Variants in CFAP206 observed in about 807,000 individuals in gnomAD.
CFAP206 encodes cilia and flagella associated protein 206, also known as cilia- and flagella-associated protein 206.
CFAP206 carries 53 observed loss-of-function variants against 65.4 expected under a neutral mutation model. The observed-to-expected ratio is 0.81, with a 90% CI of 0.65 to 1.02. The LOEUF (loss-of-function observed/expected upper bound fraction) is 1.02, where lower values mean the gene tolerates loss of function less well. Ranked by LOEUF, CFAP206 falls within the 50% of genes least tolerant of loss-of-function variation. The pLI, the probability that CFAP206 is intolerant of heterozygous loss-of-function variation, is 0.00. For missense variants in CFAP206, 663 were observed against 753.2 expected (o/e 0.88, Z 1.40); for synonymous variants, 250 against 254.4 (o/e 0.98, Z 0.17).
At chr6:87,423,234 ATTTTTATT>A (rs1767976934) in intron 7 of CFAP206, among the ~76,000 whole-genome samples, 1 of 108,212 alleles carries the variant, frequency 9.2e-6, no homozygotes, top group Admixed American at 9.0e-5. Context: ...ATATTTTTTT[ATTTTTATT>A]TTTTTATTTT....
intron 3 of CFAP206, among the ~76,000 whole-genome samples, chr6:87,411,495 T>C: frequency 7.2e-6 from 1 of 138,122 alleles, no homozygotes. Flanking sequence ...TTTCACTCTG[T>C]TGATTATTCA....
chr6:87,430,493 T>C (rs913044196), intron 9 of CFAP206, among the ~76,000 whole-genome samples: 2 of 152,238 alleles, frequency 1.3e-5, no homozygotes, highest in Non-Finnish European at 2.9e-5. Context: ...TTCTTGACTT[T>C]CTGCTCAGAA....
intron 11 of CFAP206, among the ~76,000 whole-genome samples, chr6:87,446,609 A>AG (rs1768445135): frequency 6.6e-6 from 1 of 152,132 alleles, no homozygotes; most frequent in Non-Finnish European, 1.5e-5. Context: ...GCTGCAGTAT[A>AG]GTTTGAAATT....
chr6:87,456,083 G>A (rs1176545947), intron 11 of CFAP206, among the ~76,000 whole-genome samples: 1 of 152,096 alleles, frequency 6.6e-6, no homozygotes, highest in African/African-American at 2.4e-5. Flanking sequence ...CAGTATTGCT[G>A]GTGAACATTG....
intron 11 of CFAP206, among the ~76,000 whole-genome samples, chr6:87,446,320 G>A (rs1488316316): frequency 2.0e-5 from 3 of 152,084 alleles, no homozygotes; most frequent in Admixed American, 2.0e-4. Context: ...TTCCTTTAGG[G>A]TTTTTATAGT....
chr6:87,415,673 T>C lies in CFAP206; in HGVS notation c.284-13T>C, dbSNP rs777085868. ...AATTAAATATATAGAACATTGTTAT[T>C]TGGCAATTTTAGTGGAATTTCTCGA... On this transcript the variant is annotated splice_polypyrimidine_tract_variant and intron_variant, in intron 4 of 12. Coordinates refer to ENST00000369562, the MANE Select transcript of CFAP206 (RefSeq NM_001031743.3). 7 of 1,598,548 alleles carry C rather than the reference T, an allele frequency of 4.4e-6. No homozygotes were observed. The highest frequency in any genetic ancestry group is 1.3e-5 in the African/African-American group (1 of 74,136).
intron 4 of CFAP206, 64 bp downstream of exon 4, chr6:87,413,964 T>C (rs1433988207): frequency 1.4e-6 from 1 of 734,466 alleles, no homozygotes; most frequent in Non-Finnish European, 2.1e-6. Flanking sequence ...TAAGAAGGGC[T>C]TCATTTGGTT....
At chr6:87,408,202 G>T (rs998744304) in intron 1 of CFAP206, 113 bp downstream of exon 1, 5 of 314,430 alleles carry the variant, frequency 1.6e-5, no homozygotes, top group Non-Finnish European at 2.3e-5. Context: ...CTGCCTCGTC[G>T]AGACTTAGCT....
intron 7 of CFAP206, among the ~76,000 whole-genome samples, chr6:87,420,795 C>T (rs114859365): frequency 7.2e-5 from 11 of 152,300 alleles, no homozygotes; most frequent in African/African-American, 1.7e-4. Context: ...TTGCTGCTCA[C>T]GTTGTTGAGA....
intron 11 of CFAP206, among the ~76,000 whole-genome samples, chr6:87,447,247 G>A (rs1481358606): frequency 6.6e-6 from 1 of 152,102 alleles, no homozygotes; most frequent in Non-Finnish European, 1.5e-5. Flanking sequence ...TGGTGAGAGA[G>A]GGCATCCTTG....
chr6:87,437,749 G>A (rs1403890430), intron 11 of CFAP206, among the ~76,000 whole-genome samples: 1 of 151,318 alleles, frequency 6.6e-6, no homozygotes, highest in Non-Finnish European at 1.5e-5. Flanking sequence ...TTGACCTCCT[G>A]GGTTGAAGCA....
At chr6:87,449,549 G>T (rs910223470) in intron 11 of CFAP206, among the ~76,000 whole-genome samples, 13 of 151,698 alleles carry the variant, frequency 8.6e-5, no homozygotes, top group Admixed American at 2.0e-4. Context: ...GATGATAGCT[G>T]ATTGTGCATT....
chr6:87,424,266 G>A (rs1767998232), intron 7 of CFAP206, among the ~76,000 whole-genome samples: 1 of 152,036 alleles, frequency 6.6e-6, no homozygotes, highest in South Asian at 2.1e-4. Context: ...CACATAGTAA[G>A]AATAAATATA....
chr6:87,456,976 C>T (rs373350902), intron 11 of CFAP206, among the ~76,000 whole-genome samples: 6 of 151,862 alleles, frequency 4.0e-5, no homozygotes, highest in Non-Finnish European at 7.4e-5. Context: ...AGTGAAACCC[C>T]GTCTCTACTA....
chr6:87,461,274 CAG>C (rs1476413396), intron 12 of CFAP206, 109 bp downstream of exon 12: 1 of 685,438 alleles, frequency 1.5e-6, no homozygotes, highest in Non-Finnish European at 2.2e-6. Context: ...GAGTTTTATA[CAG>C]AGTTCTTTGC....
chr6:87,420,275 G>A (rs1240707716), intron 7 of CFAP206, among the ~76,000 whole-genome samples: 1 of 152,204 alleles, frequency 6.6e-6, no homozygotes, highest in Non-Finnish European at 1.5e-5. Context: ...CCTGTATTCA[G>A]AGGTGATATT....
chr6:87,458,823 T>C (rs1202151685), intron 11 of CFAP206, among the ~76,000 whole-genome samples: 1 of 152,146 alleles, frequency 6.6e-6, no homozygotes, highest in Non-Finnish European at 1.5e-5. Flanking sequence ...AATTGGAATA[T>C]TCATAACAAG....
chr6:87,452,431 A>G (rs1396271391), intron 11 of CFAP206, among the ~76,000 whole-genome samples: 1 of 152,188 alleles, frequency 6.6e-6, no homozygotes, highest in Non-Finnish European at 1.5e-5. Context: ...ATTGACAAAC[A>G]TCCAGAAGCA....
chr6:87,413,882 A>G lies in CFAP206; in HGVS notation c.265A>G (p.Met89Val), dbSNP rs768745897. The G allele has an allele frequency of 2.6e-6, 4 of 1,545,370 alleles. No homozygotes were observed. The highest frequency in any genetic ancestry group is 3.5e-6 in the Non-Finnish European group (4 of 1,153,196). Residue 89 changes from methionine (M) to valine (V), a missense_variant, in exon 4 of 13, where the codon ATG becomes GTG. Physicochemically the swap from Met to Val is conservative, Grantham distance 21. Transcript: ENST00000369562. ...DTIKMQVYFDMNYTNRVEFLE... is the reference protein window; with the variant it reads ...DTIKMQVYFDVNYTNRVEFLE... ...TATTAAGATGCAAGTCTACTTCGAT[A>G]TGAATTATACGAATCGAGGTAATGT...
Sources: allele counts gnomAD v4.1 joint callset (sites outside exome capture counted in the v4.1 genomes callset), GRCh38; gene constraint gnomAD v4.1.1; transcripts MANE v1.5; gene names NCBI Gene and HGNC (gene_info 2026-07-23, HGNC 2026-07-21).